RBFOX1: variants seen among roughly 807,000 people sequenced by gnomAD.
The protein encoded by RBFOX1 is RNA binding fox-1 homolog 1.
RBFOX1 carries 8 observed loss-of-function variants against 57.7 expected under a neutral mutation model. The observed-to-expected ratio is 0.14, with a 90% CI of 0.08 to 0.25. RBFOX1 has a LOEUF of 0.25. RBFOX1 is among the 10% of genes least tolerant of loss of function. The pLI, the probability that RBFOX1 is intolerant of heterozygous loss-of-function variation, is 1.00. For synonymous variants in RBFOX1, 326 were observed against 222.4 expected, an observed-to-expected ratio of 1.47 and a Z score of -4.15; for missense variants, 611 against 548.5, an observed-to-expected ratio of 1.11 and a Z score of -1.14.
At chr16:7,442,565 C>G (rs1205239544) in intron 4 of RBFOX1, among the ~76,000 whole-genome samples, 1 of 152,106 alleles carries the variant, frequency 6.6e-6, no homozygotes, top group Non-Finnish European at 1.5e-5. Flanking sequence ...GAGCTTGTCC[C>G]TAATGAGTTG....
Position 5,882,472 on chromosome 16 carries a change from G to A in RBFOX1, c.351+15137G>A, listed in dbSNP as rs116133997. Reference sequence around the variant, plus strand: ...GGTCTCATAAACTGCAAGGGTGCCTGGGAAATGTAGTCCAGCTGTGAACCC... The same window carrying A: ...GGTCTCATAAACTGCAAGGGTGCCTAGGAAATGTAGTCCAGCTGTGAACCC... On this transcript the variant is annotated intron_variant, in intron 4 of 19. Coordinates refer to the RBFOX1 transcript ENST00000641259. Among the ~76,000 whole-genome samples, 327 of 152,278 alleles carry A rather than the reference G, an allele frequency of 2.1e-3. 1 individual carries two copies. Among genetic ancestry groups the A allele is most frequent in the African/African-American group, 7.5e-3 (313 of 41,536 alleles).
At chr16:7,245,635 A>G (rs186447043) in intron 4 of RBFOX1, among the ~76,000 whole-genome samples, 3 of 152,250 alleles carry the variant, frequency 2.0e-5, no homozygotes, top group Admixed American at 6.5e-5. Context: ...AGAAAGAGCT[A>G]TGCTGATAAA....
chr16:5,515,807 C>T (rs146073087), intron 2 of RBFOX1, among the ~76,000 whole-genome samples: 652 of 152,258 alleles, frequency 4.3e-3, no homozygotes, highest in Non-Finnish European at 5.4e-3. Flanking sequence ...TCTAAGAGGG[C>T]AGGAAATGAT....
At chr16:6,195,352 AAT>A (rs1285438746) in intron 1 of RBFOX1, among the ~76,000 whole-genome samples, 1 of 152,180 alleles carries the variant, frequency 6.6e-6, no homozygotes, top group Non-Finnish European at 1.5e-5. Context: ...CTTAAAAGTC[AAT>A]CAGGAGTTTA....
intron 1 of RBFOX1, among the ~76,000 whole-genome samples, chr16:5,434,323 T>TTTTTTTTTC (rs2067849146): frequency 7.3e-6 from 1 of 137,650 alleles, no homozygotes; most frequent in East Asian, 2.1e-4. Context: ...AGTCCTTTTT[T>TTTTTTTTTC]TTTTTTTTTT....
At chr16:6,034,676 T>C (rs867350702) in intron 1 of RBFOX1, among the ~76,000 whole-genome samples, 5 of 152,306 alleles carry the variant, frequency 3.3e-5, no homozygotes, top group Admixed American at 2.6e-4. Flanking sequence ...CAAACCTTCA[T>C]ACCGTAACAG....
intron 4 of RBFOX1, among the ~76,000 whole-genome samples, chr16:5,923,487 A>G (rs1315027319): frequency 2.0e-5 from 3 of 149,810 alleles, no homozygotes; most frequent in African/African-American, 7.4e-5. Flanking sequence ...AGCAGAGGAC[A>G]GATTGCGAAT....
chr16:6,168,104 A>G (rs1451113753), intron 1 of RBFOX1, among the ~76,000 whole-genome samples: 1 of 152,176 alleles, frequency 6.6e-6, no homozygotes, highest in Non-Finnish European at 1.5e-5. Context: ...CAATGGGGGC[A>G]CACGCAGATT....
chr16:5,961,640 C>T (rs991350075), intron 4 of RBFOX1, among the ~76,000 whole-genome samples: 67 of 152,300 alleles, frequency 4.4e-4, no homozygotes, highest in Middle Eastern at 3.4e-3. Context: ...CCACCTCAGC[C>T]TCCCAAGCAG....
chr16:7,092,511 C>T (rs575708755), intron 4 of RBFOX1, among the ~76,000 whole-genome samples: 6 of 152,286 alleles, frequency 3.9e-5, no homozygotes, highest in Non-Finnish European at 7.4e-5. Flanking sequence ...AGTGTTCCAG[C>T]GAATGGCGAT....
chr16:6,219,352 G>T (rs1317912756), intron 1 of RBFOX1, among the ~76,000 whole-genome samples: 1 of 152,106 alleles, frequency 6.6e-6, no homozygotes, highest in Non-Finnish European at 1.5e-5. Context: ...GGTCACCAGG[G>T]CCCAGCTACT....
intron 2 of RBFOX1, among the ~76,000 whole-genome samples, chr16:6,429,358 G>A (rs1171040583): frequency 1.3e-5 from 2 of 152,180 alleles, no homozygotes; most frequent in Non-Finnish European, 2.9e-5. Context: ...CTAGGGGCTA[G>A]CCCCTTCCAT....
intron 1 of RBFOX1, among the ~76,000 whole-genome samples, chr16:5,393,783 C>T (rs183242738): frequency 6.6e-6 from 1 of 152,266 alleles, no homozygotes; most frequent in African/African-American, 2.4e-5. Flanking sequence ...GTCTGTTATT[C>T]ACAGTGCTGT....
chr16:6,628,143 T>A (rs1339438279), intron 2 of RBFOX1, among the ~76,000 whole-genome samples: 1 of 152,212 alleles, frequency 6.6e-6, no homozygotes, highest in Non-Finnish European at 1.5e-5. Flanking sequence ...TCTGTGATAC[T>A]GGTATGGCGT....
At position 6,833,950 on chromosome 16, in the gene RBFOX1, G is replaced by A. The variant is rs2141153758; in HGVS notation, c.-16+179300G>A. 1.3e-5 allele frequency among the ~76,000 whole-genome samples: 2 copies of A among 152,290 alleles called. 1 individual carries two copies. The highest frequency in any genetic ancestry group is 6.8e-3 in the Middle Eastern group (2 of 294). On this transcript the variant is annotated intron_variant, in intron 3 of 15. Coordinates refer to ENST00000550418, the MANE Select transcript of RBFOX1 (RefSeq NM_018723.4). ...TGTGTCCAGAGTGATGTGACAAGGG[G>A]CTAGAGACATCAGCCTTGGAGGCAC... is the stretch of plus-strand genomic sequence containing the variant.
At chr16:6,851,864 C>G (rs746764954) in intron 3 of RBFOX1, among the ~76,000 whole-genome samples, 39 of 152,170 alleles carry the variant, frequency 2.6e-4, no homozygotes, top group Admixed American at 2.1e-3. Flanking sequence ...AACAGGGACA[C>G]CACTATCCTT....
chr16:7,003,278 G>A (rs1225385903), intron 3 of RBFOX1, among the ~76,000 whole-genome samples: 1 of 151,758 alleles, frequency 6.6e-6, no homozygotes, highest in Non-Finnish European at 1.5e-5. Context: ...GGCCAACATG[G>A]TGAAACCCCC....
In RBFOX1 at chr16:7,092,669, G is replaced by C. The variant is rs180804073; in HGVS notation, c.27+40571G>C. On this transcript the variant is annotated intron_variant, in intron 4 of 15. Coordinates refer to ENST00000550418, the MANE Select transcript of RBFOX1 (RefSeq NM_018723.4). ...TTATTGACAGAGCCTTTACGGACTT[G>C]GGCACTGTCTATGGTACTGCGCCTT... 1.6e-3 allele frequency among the ~76,000 whole-genome samples: 241 copies of C among 152,250 alleles called. 2 individuals are homozygous for C. In the Middle Eastern group the frequency reaches 0.041, roughly 26 times the overall value.
chr16:7,154,685 T>TTGTGTGTG (rs56742260), intron 4 of RBFOX1, among the ~76,000 whole-genome samples: 101 of 143,216 alleles, frequency 7.1e-4, no homozygotes, highest in African/African-American at 2.5e-3. Context: ...CCCTCTTCCT[T>TTGTGTGTG]TGTGTGTGTG....
Sources: allele counts gnomAD v4.1 joint callset (sites outside exome capture counted in the v4.1 genomes callset), GRCh38; gene constraint gnomAD v4.1.1; transcripts MANE v1.5; gene names NCBI Gene and HGNC (gene_info 2026-07-23, HGNC 2026-07-21).